INPP5A: variants seen among roughly 807,000 people sequenced by gnomAD.
INPP5A encodes inositol polyphosphate-5-phosphatase A, also known as 43 kDa inositol polyphosphate 5-phophatase.
Under a neutral mutation model 65.2 loss-of-function variants are expected in INPP5A, and 14 were observed. The ratio of observed to expected loss-of-function variants is 0.21; its 90% confidence interval spans 0.14 to 0.34. INPP5A has a LOEUF of 0.34. INPP5A is among the 10% of genes least tolerant of loss of function. INPP5A has a pLI of 1.00. For missense variants in INPP5A, 431 were observed against 545.6 expected (o/e 0.79, Z 2.09); for synonymous variants, 207 against 208.3 (o/e 0.99, Z 0.05).
At position 132,675,183 on chromosome 10, in the gene INPP5A, G is replaced by C. The variant is rs1362924653; in HGVS notation, c.307-15209G>C. Among the ~76,000 whole-genome samples the C allele has an allele frequency of 6.6e-6, 1 of 152,222 alleles. No homozygotes were observed. The highest frequency in any genetic ancestry group is 1.5e-5 in the Non-Finnish European group (1 of 68,050). On this transcript the variant is annotated intron_variant, in intron 4 of 15. Transcript: ENST00000368594. This position sits in a 1 kb window ranked among gnomAD's most constrained non-coding sequence, Gnocchi z 4.2. ...CAAGAAAACCATAGAGAGCATAGGG[G>C]TGTGCCGCAGTCACACTGACAGGCC...
At chr10:132,757,585 C>A (rs552397339) in intron 11 of INPP5A, among the ~76,000 whole-genome samples, 12 of 152,382 alleles carry the variant, frequency 7.9e-5, no homozygotes, top group Admixed American at 3.3e-4. Flanking sequence ...AGACCGTATC[C>A]CCGTCGTTCC....
chr10:132,638,553 A>G (rs1286607691), intron 2 of INPP5A, among the ~76,000 whole-genome samples: 2 of 151,988 alleles, frequency 1.3e-5, no homozygotes, highest in Non-Finnish European at 2.9e-5. Context: ...GTAGCTCCCA[A>G]TTTTATTTTA....
At chr10:132,592,908 G>A (rs939750344) in intron 1 of INPP5A, among the ~76,000 whole-genome samples, 4 of 151,820 alleles carry the variant, frequency 2.6e-5, no homozygotes, top group African/African-American at 7.3e-5. Flanking sequence ...GGTCTCACGC[G>A]GCTGCAGTCA....
chr10:132,647,831 A>G (rs180682893), intron 3 of INPP5A, among the ~76,000 whole-genome samples: 2 of 152,354 alleles, frequency 1.3e-5, no homozygotes, highest in Admixed American at 1.3e-4. Context: ...GATGAATTTC[A>G]GTTGTATTAA....
At chr10:132,562,548 T>C (rs1214015005) in intron 1 of INPP5A, among the ~76,000 whole-genome samples, 3 of 152,248 alleles carry the variant, frequency 2.0e-5, no homozygotes, top group Non-Finnish European at 4.4e-5. Context: ...AGGCAGAGAC[T>C]GCGTTCTGGA....
chr10:132,595,379 A>G (rs1283143261), intron 1 of INPP5A, among the ~76,000 whole-genome samples: 1 of 152,250 alleles, frequency 6.6e-6, no homozygotes, highest in Non-Finnish European at 1.5e-5. Flanking sequence ...CTATGTGCTC[A>G]TTGTAAATCT....
intron 1 of INPP5A, among the ~76,000 whole-genome samples, chr10:132,584,663 C>T (rs1373362201): frequency 6.6e-6 from 1 of 152,112 alleles, no homozygotes; most frequent in African/African-American, 2.4e-5. Flanking sequence ...ATTCTACCTA[C>T]TGGCTTATTA....
At chr10:132,640,393 C>T (rs927515930) in intron 2 of INPP5A, among the ~76,000 whole-genome samples, 2 of 152,248 alleles carry the variant, frequency 1.3e-5, no homozygotes, top group African/African-American at 4.8e-5. Context: ...CAGGGTTGCC[C>T]CACACCGTCC....
chr10:132,540,818 C>T (rs1251922102), intron 1 of INPP5A, among the ~76,000 whole-genome samples: 3 of 152,226 alleles, frequency 2.0e-5, no homozygotes, highest in African/African-American at 4.8e-5. Context: ...AAGCCAAGCT[C>T]GTCTGTGACC....
intron 1 of INPP5A, among the ~76,000 whole-genome samples, chr10:132,601,794 A>G (rs186616706): frequency 1.3e-5 from 2 of 152,348 alleles, no homozygotes; most frequent in East Asian, 3.9e-4. Context: ...TCATTTGACC[A>G]TATTACAAGG....
Position 132,753,945 on chromosome 10 carries a change from CAGAG to C in INPP5A, c.903+4104_903+4107del, listed in dbSNP as rs1469016005. ...TGGTGATCATGTTTGTGAAAAATCT[CAGAG>C]AGATACAAATTATCAATTCAACAGC... is the stretch of plus-strand genomic sequence containing the variant. On this transcript the variant is annotated intron_variant, in intron 11 of 15. Transcript: ENST00000368594. This position sits in a 1 kb window ranked among gnomAD's most constrained non-coding sequence, Gnocchi z 5.3. The C allele has an allele frequency of 6.6e-6, 1 of 152,258 alleles. No individual in the cohort carries two copies. Among genetic ancestry groups the C allele is most frequent in the Admixed American group, 6.5e-5 (1 of 15,288 alleles). The allele number at this position is 152,258 out of a possible 1,614,324, so 9.4% of individuals were successfully genotyped here.
chr10:132,611,059 G>C, intron 2 of INPP5A, among the ~76,000 whole-genome samples: 1 of 149,554 alleles, frequency 6.7e-6, no homozygotes, highest in African/African-American at 2.5e-5. Context: ...TGAGGGAGGT[G>C]AGTTGGGCAG....
chr10:132,611,490 G>C (rs1716266312), intron 2 of INPP5A, among the ~76,000 whole-genome samples: 1 of 141,774 alleles, frequency 7.1e-6, no homozygotes, highest in South Asian at 2.4e-4. Flanking sequence ...GAGAGGCCCT[G>C]TCCGGGGAGG....
At chr10:132,608,968 G>A (rs1007945537) in intron 2 of INPP5A, among the ~76,000 whole-genome samples, 1 of 152,176 alleles carries the variant, frequency 6.6e-6, no homozygotes, top group African/African-American at 2.4e-5. Flanking sequence ...CTGTGCCCTC[G>A]GGCCTGTGTC....
chr10:132,670,883 T>G (rs2072881677), intron 4 of INPP5A, among the ~76,000 whole-genome samples: 1 of 150,616 alleles, frequency 6.6e-6, no homozygotes, highest in South Asian at 2.1e-4. Flanking sequence ...ATGATGGATA[T>G]TCATGTGGTC....
rs55910416 is a variant in INPP5A, at chr10:132,756,371, CGTGT to C, written c.903+6533_903+6536del. ...GCATGTGTGTGTACACGTGTGCACTCGTGTGTGTGTATGTGTGCGTGTACTTGTA... is the reference window on the plus strand; with the variant it reads ...GCATGTGTGTGTACACGTGTGCACTCGTGTGTATGTGTGCGTGTACTTGTA... On this transcript the variant is annotated intron_variant, in intron 11 of 15. Transcript: ENST00000368594. 2.0e-4 allele frequency among the ~76,000 whole-genome samples: 30 copies of C among 151,616 alleles called. No individual in the cohort carries two copies. In the South Asian group the frequency reaches 2.3e-3, roughly 12 times the overall value.
intron 1 of INPP5A, among the ~76,000 whole-genome samples, chr10:132,601,950 A>G (rs2071782198): frequency 6.6e-6 from 1 of 152,198 alleles, no homozygotes; most frequent in East Asian, 1.9e-4. Context: ...TTGGCTATTC[A>G]GGGTCCCTTG....
Position 132,712,151 on chromosome 10 carries a change from C to A in INPP5A, c.647+1695C>A, listed in dbSNP as rs955117649. Among the ~76,000 whole-genome samples the A allele has an allele frequency of 2.6e-5, 4 of 152,234 alleles. No individual in the cohort carries two copies. In the East Asian group the frequency reaches 7.7e-4, roughly 29 times the overall value. Reference sequence around the variant, plus strand: ...TGAAGGAGAACAGCAGCCAGCAGGTCCCTGCCTCCTAATAGTGCCTTGTAA... The same window carrying A: ...TGAAGGAGAACAGCAGCCAGCAGGTACCTGCCTCCTAATAGTGCCTTGTAA... On this transcript the variant is annotated intron_variant, in intron 8 of 15. Coordinates refer to ENST00000368594, the MANE Select transcript of INPP5A (RefSeq NM_005539.5).
intron 4 of INPP5A, among the ~76,000 whole-genome samples, chr10:132,653,387 C>T (rs2072606477): frequency 6.6e-6 from 1 of 152,182 alleles, no homozygotes; most frequent in Non-Finnish European, 1.5e-5. Flanking sequence ...TGCTTAAGGG[C>T]TCAGGTCCAC....
Sources: gnomAD v4.1 joint callset for allele counts (sites outside exome capture counted in the v4.1 genomes callset) on GRCh38, gnomAD v4.1.1 for gene constraint, Gnocchi (gnomAD v3.1) non-coding constraint, MANE v1.5 for transcripts, NCBI Gene and HGNC (gene_info 2026-07-23, HGNC 2026-07-21) for gene names.